The following EFHB variants were observed in gnomAD, a reference collection of about 807,000 sequenced individuals.
EFHB encodes the protein EF-hand domain family member B.
EFHB carries 91 observed loss-of-function variants against 87.2 expected under a neutral mutation model. The ratio of observed to expected loss-of-function variants is 1.04; its 90% CI spans 0.88 to 1.24. The LOEUF (loss-of-function observed/expected upper bound fraction) is 1.24. Among genes scored for constraint, EFHB ranks in the 50% most tolerant of loss-of-function variants. EFHB has a pLI of 0.00. For synonymous variants in EFHB, 325 were observed against 333.6 expected (o/e 0.97, Z 0.28); for missense variants, 1,084 against 998.8 (o/e 1.09, Z -1.15).
intron 1 of EFHB, chr3:19,942,438 G>C (rs1301244729): frequency 1.3e-5 from 2 of 152,288 alleles, no homozygotes; most frequent in Non-Finnish European, 2.9e-5. Flanking sequence ...CAGAGCAGCT[G>C]TCCCCAACCT....
chr3:19,893,236 C>G (rs960630070), intron 9 of EFHB, among the ~76,000 whole-genome samples: 1 of 152,118 alleles, frequency 6.6e-6, no homozygotes, highest in African/African-American at 2.4e-5. Flanking sequence ...CCACCATGCC[C>G]AGCCCATATT....
At chr3:19,932,625 G>T (rs1218673878) in intron 1 of EFHB, among the ~76,000 whole-genome samples, 1 of 152,186 alleles carries the variant, frequency 6.6e-6, no homozygotes. Flanking sequence ...AAACAGAATT[G>T]TGCAATCTTT....
At chr3:19,882,825 AT>A (rs1359969006) in intron 11 of EFHB, 94 bp from the exon 12 acceptor site, 1 of 1,141,846 alleles carries the variant, frequency 8.8e-7, no homozygotes, top group Non-Finnish European at 1.2e-6. Context: ...AGCACTTAAA[AT>A]GTAGCTAGGA....
rs77979783 is a variant in EFHB at position 19,898,621 on chromosome 3, G to A, written c.1570+157C>T. Among the ~76,000 whole-genome samples, 32 of 152,262 alleles carry A rather than the reference G, an allele frequency of 2.1e-4. No individual in the cohort carries two copies. In the East Asian group the frequency reaches 6.0e-3, roughly 28 times the overall value. ...ATAATATGAAAAAAAATTTACTTCTGTGTTATACACTTTTCTCATTAATGT... is the reference window on the plus strand; with the variant it reads ...ATAATATGAAAAAAAATTTACTTCTATGTTATACACTTTTCTCATTAATGT... On this transcript the variant is annotated intron_variant, in intron 8 of 12. Coordinates refer to ENST00000295824, the MANE Select transcript of EFHB (RefSeq NM_144715.4).
chr3:19,944,024 A>C (rs912272310), intron 1 of EFHB, among the ~76,000 whole-genome samples: 1 of 152,214 alleles, frequency 6.6e-6, no homozygotes, highest in Non-Finnish European at 1.5e-5. Context: ...CTGAAGCCTG[A>C]ATGATGCCCT....
intron 1 of EFHB, among the ~76,000 whole-genome samples, chr3:19,921,101 T>C (rs909673543): frequency 9.9e-5 from 15 of 152,068 alleles, no homozygotes; most frequent in Non-Finnish European, 1.9e-4. Flanking sequence ...TAACTTCCCA[T>C]AGTGTTCTGG....
chr3:19,931,911 T>C (rs1695843875), intron 1 of EFHB, among the ~76,000 whole-genome samples: 1 of 152,230 alleles, frequency 6.6e-6, no homozygotes, highest in Admixed American at 6.5e-5. Context: ...TTCCCAAGAT[T>C]CTTGCCTTGA....
chr3:19,934,111 G>T lies in EFHB; in HGVS notation c.-93C>A. On this transcript the variant is annotated 5_prime_UTR_variant, in exon 1 of 13. Coordinates refer to ENST00000295824, the MANE Select transcript of EFHB (RefSeq NM_144715.4). ...ACAAAGACGCCTCCAATCCCTTGCG[G>T]AACCCCTCTCTCAGGAAAGAGCACA... 6.8e-7 allele frequency: 1 copy of T among 1,470,732 alleles called. No individual in the cohort carries two copies. The highest frequency in any genetic ancestry group is 1.4e-5 in the South Asian group (1 of 71,224). The allele number at this position is 1,470,732 out of a possible 1,614,324, so 91.1% of individuals were successfully genotyped here.
In EFHB at chr3:19,900,037, T is replaced by C. The variant is rs1056322272; in HGVS notation, c.1419-522A>G. 5.9e-5 allele frequency among the ~76,000 whole-genome samples: 9 copies of C among 152,216 alleles called. No homozygotes were observed. In the East Asian group the frequency reaches 1.7e-3, roughly 29 times the overall value. ...GCAGTGAGCTGAGATGACGTCACTG[T>C]ACTCCAGCCTGGGTGACAGAGTGAG... On this transcript the variant is annotated intron_variant, in intron 6 of 12. Coordinates refer to ENST00000295824, the MANE Select transcript of EFHB (RefSeq NM_144715.4).
chr3:19,944,163 G>C (rs1324215146), intron 1 of EFHB, among the ~76,000 whole-genome samples: 1 of 152,202 alleles, frequency 6.6e-6, no homozygotes, highest in East Asian at 1.9e-4. Flanking sequence ...ATTGTCTCCA[G>C]ACAGTTCCAG....
rs752615220 is a variant in EFHB at position 19,919,364 on chromosome 3, C to CT, written c.996+468dup. ...GGCGCCTGCTACCATGCCCCAGCTG[C>CT]TTTTTTTTTTTTTTTTACTTTTAGT... On this transcript the variant is annotated intron_variant, in intron 3 of 12. Coordinates refer to ENST00000295824, the MANE Select transcript of EFHB (RefSeq NM_144715.4). 9.1e-3 allele frequency among the ~76,000 whole-genome samples: 1,245 copies of CT among 137,244 alleles called. 15 individuals are homozygous for CT. The highest frequency in any genetic ancestry group is 0.028 in the African/African-American group (1,059 of 37,450). 90.0% of individuals were successfully genotyped at this position (137,244 alleles called of 152,430 possible).
At chr3:19,887,603 T>C (rs578141336) in intron 10 of EFHB, among the ~76,000 whole-genome samples, 20 of 152,088 alleles carry the variant, frequency 1.3e-4, no homozygotes, top group Non-Finnish European at 2.6e-4. Flanking sequence ...AAGACTTATC[T>C]TGGGCCACAC....
At chr3:19,927,983 C>T (rs1228689694) in intron 1 of EFHB, among the ~76,000 whole-genome samples, 1 of 148,990 alleles carries the variant, frequency 6.7e-6, no homozygotes, top group African/African-American at 2.4e-5. Context: ...AATATAGTAG[C>T]TAATACTATA....
At position 19,884,387 on chromosome 3, in the gene EFHB, CAAAT is replaced by C. The variant is rs771425068; in HGVS notation, c.2146+12_2146+15del. 2 of 1,608,286 alleles carry C rather than the reference CAAAT, an allele frequency of 1.2e-6. No homozygotes were observed. The highest frequency in any genetic ancestry group is 1.7e-6 in the Non-Finnish European group (2 of 1,176,696). On this transcript the variant is annotated intron_variant, in intron 11 of 12. Coordinates refer to ENST00000295824, the MANE Select transcript of EFHB (RefSeq NM_144715.4). ...GTTTGTTGATGCTTTTAAAACTTGA[CAAAT>C]AAGTGACATACAAGTAGAAGGAATG...
At chr3:19,891,761 A>T (rs1310753399) in intron 9 of EFHB, among the ~76,000 whole-genome samples, 1 of 152,174 alleles carries the variant, frequency 6.6e-6, no homozygotes, top group Admixed American at 6.6e-5. Flanking sequence ...GAATGATTGG[A>T]ATCAAGCTGC....
At chr3:19,944,090 C>A (rs970311191) in intron 1 of EFHB, among the ~76,000 whole-genome samples, 4 of 152,310 alleles carry the variant, frequency 2.6e-5, no homozygotes, top group Admixed American at 2.6e-4. Flanking sequence ...GCCTTTTATT[C>A]ACTGACTTGC....
At chr3:19,946,463 G>A (rs554013005) in intron 1 of EFHB, among the ~76,000 whole-genome samples, 10 of 152,354 alleles carry the variant, frequency 6.6e-5, no homozygotes, top group Middle Eastern at 6.8e-3. Flanking sequence ...AGAGCGAAGG[G>A]AAATTCTGAA....
In EFHB at chr3:19,879,514, A is replaced by ATT. The variant is rs2071619729; in HGVS notation, c.*116_*117insAA. On this transcript the variant is annotated 3_prime_UTR_variant, in exon 13 of 13. Coordinates refer to ENST00000295824, the MANE Select transcript of EFHB (RefSeq NM_144715.4). ...TAATTTATTAGCAACACATACAGGC[A>ATT]TATGAGTCTTACCACTGTGAACTCT... The ATT allele has an allele frequency of 1.5e-5, 17 of 1,104,700 alleles. No individual in the cohort carries two copies. Among genetic ancestry groups the ATT allele is most frequent in the Non-Finnish European group, 2.1e-5 (17 of 797,610 alleles). 68.4% of individuals were successfully genotyped at this position (1,104,700 alleles called of 1,614,324 possible).
chr3:19,896,881 T>G, intron 8 of EFHB, 40 bp from the exon 9 acceptor site: 4 of 1,499,098 alleles, frequency 2.7e-6, no homozygotes, highest in Non-Finnish European at 3.6e-6. Context: ...AAATTTAAAG[T>G]CTTTCTATAT....
Sources: gnomAD v4.1 joint callset for allele counts (sites outside exome capture counted in the v4.1 genomes callset) on GRCh38, gnomAD v4.1.1 for gene constraint, MANE v1.5 for transcripts, NCBI Gene and HGNC (gene_info 2026-07-23, HGNC 2026-07-21) for gene names.